YAF2: variants seen among roughly 807,000 people sequenced by gnomAD.
The protein encoded by YAF2 is YY1 associated factor 2.
YAF2 carries 7 observed loss-of-function variants against 20.1 expected under a neutral mutation model. The observed-to-expected ratio is 0.35, with a 90% CI of 0.20 to 0.65. The LOEUF is 0.65. Among genes scored for constraint, YAF2 ranks in the 30% least tolerant of loss-of-function variants. The pLI is 0.69. For missense variants in YAF2, 151 were observed against 219.2 expected, an observed-to-expected ratio of 0.69 and a Z score of 1.96; for synonymous variants, 74 against 76.0, an observed-to-expected ratio of 0.97 and a Z score of 0.14.
chr12:42,165,786 T>G (rs1486933252), intron 2 of YAF2, among the ~76,000 whole-genome samples: 5 of 149,820 alleles, frequency 3.3e-5, no homozygotes, highest in Non-Finnish European at 5.9e-5. Context: ...TTTTTTTTTT[T>G]TTTTTTTTTT....
Position 42,160,676 on chromosome 12 carries a change from G to A in YAF2, c.456C>T (p.Gly152=). 1 of 1,613,832 alleles carries A rather than the reference G, an allele frequency of 6.2e-7. No homozygotes were observed. Among genetic ancestry groups the A allele is most frequent in the African/African-American group, 1.3e-5 (1 of 75,018 alleles). ...CTCTCTCTGTGTTATCAGAGCTAGAGCCGCTTTGACTGTGTTGATCTGCAG... is the reference window on the plus strand; with the variant it reads ...CTCTCTCTGTGTTATCAGAGCTAGAACCGCTTTGACTGTGTTGATCTGCAG... ...AASADQHSQS[G]SSSDNTERGM... The change falls in exon 4 of 4, where the codon GGC becomes GGT. Residue 152 remains glycine, a synonymous_variant. Transcript: ENST00000534854.
intron 2 of YAF2, among the ~76,000 whole-genome samples, chr12:42,174,684 T>C (rs1235989995): frequency 6.6e-6 from 1 of 152,206 alleles, no homozygotes; most frequent in African/African-American, 2.4e-5. Flanking sequence ...GCACTCCTCT[T>C]GTTGACCTCA....
rs771448043 is a variant in YAF2, at chr12:42,221,807, T to G, written c.152+15792A>C. On this transcript the variant is annotated intron_variant, in intron 2 of 3. Coordinates refer to ENST00000534854, the MANE Select transcript of YAF2 (RefSeq NM_005748.6). The stretch of plus-strand genomic sequence containing the variant: ...GCTGAAAATCCCAACAAGAAGGTTT[T>G]GAAAACAATAGTAGTCTCAGCCCAT... Among the ~76,000 whole-genome samples the G allele has an allele frequency of 5.9e-5, 9 of 152,332 alleles. No individual in the cohort carries two copies. In the South Asian group the frequency reaches 1.7e-3, roughly 28 times the overall value.
chr12:42,202,602 G>A (rs1364289477), intron 2 of YAF2, among the ~76,000 whole-genome samples: 1 of 152,068 alleles, frequency 6.6e-6, no homozygotes, highest in Non-Finnish European at 1.5e-5. Context: ...TTTGTTCTTT[G>A]TCATTGTATA....
In YAF2 at chr12:42,219,115, T is replaced by C. The variant is rs111628876; in HGVS notation, c.152+18484A>G. On this transcript the variant is annotated intron_variant, in intron 2 of 3. Transcript: ENST00000534854. ...AAATACAAATTAAGAGAAATCCTAA[T>C]AAAATATATAATGGCATAAATGACC... Among the ~76,000 whole-genome samples the C allele has an allele frequency of 6.2e-3, 948 of 152,240 alleles. 7 individuals are homozygous for C. Among genetic ancestry groups the C allele is most frequent in the African/African-American group, 0.021 (892 of 41,538 alleles).
intron 2 of YAF2, chr12:42,210,214 A>C: frequency 2.3e-6 from 1 of 429,748 alleles, no homozygotes; most frequent in South Asian, 2.2e-5. Flanking sequence ...TCCACACAAT[A>C]ATTTCCATAA....
intron 2 of YAF2, among the ~76,000 whole-genome samples, chr12:42,177,547 G>A (rs141830324): frequency 1.2e-4 from 18 of 152,194 alleles, no homozygotes; most frequent in African/African-American, 3.1e-4. Flanking sequence ...CCACTTTTAC[G>A]AGTTCATTTA....
intron 2 of YAF2, among the ~76,000 whole-genome samples, chr12:42,230,043 G>C (rs1190749664): frequency 1.3e-5 from 2 of 152,072 alleles, no homozygotes; most frequent in African/African-American, 2.4e-5. Context: ...CGGATCACGA[G>C]GTCAGGAGAT....
At chr12:42,218,832 T>TA (rs900623918) in intron 2 of YAF2, among the ~76,000 whole-genome samples, 23 of 151,586 alleles carry the variant, frequency 1.5e-4, no homozygotes, top group African/African-American at 4.6e-4. Flanking sequence ...TCTCGGTCCT[T>TA]AAAAAAAACA....
In YAF2 at chr12:42,227,747, T is replaced by TG. The variant is rs1181592026; in HGVS notation, c.152+9851dup. On this transcript the variant is annotated intron_variant, in intron 2 of 3. Transcript: ENST00000534854. ...GCAGCCACCCCGTCCGGGAGGGAGG[T>TG]GGGGGGGTCAGCCCCCCGCCTGGCC... Among the ~76,000 whole-genome samples the TG allele has an allele frequency of 3.5e-3, 467 of 134,880 alleles. 9 individuals are homozygous for TG. Among genetic ancestry groups the TG allele is most frequent in the African/African-American group, 0.012 (430 of 35,310 alleles). 88.5% of individuals were successfully genotyped at this position (134,880 alleles called of 152,430 possible). A position where few individuals can be genotyped will look rare whatever the true frequency, so the allele number is the denominator to read the frequency against.
intron 2 of YAF2, among the ~76,000 whole-genome samples, chr12:42,193,480 C>T (rs1472274922): frequency 6.6e-6 from 1 of 152,076 alleles, no homozygotes; most frequent in Non-Finnish European, 1.5e-5. Context: ...GGCAGGCCCT[C>T]AGGAGGTATT....
intron 2 of YAF2, among the ~76,000 whole-genome samples, chr12:42,218,617 TG>T (rs1208192527): frequency 1.3e-5 from 2 of 152,184 alleles, no homozygotes; most frequent in African/African-American, 4.8e-5. Flanking sequence ...TTAAGGATGT[TG>T]ATTTTTCAGG....
chr12:42,177,279 C>T (rs556824273), intron 2 of YAF2, among the ~76,000 whole-genome samples: 2 of 152,284 alleles, frequency 1.3e-5, no homozygotes, highest in East Asian at 3.9e-4. Context: ...GCTGTCATAA[C>T]AAAATACCAT....
At chr12:42,205,704 T>C (rs1259075612) in intron 2 of YAF2, among the ~76,000 whole-genome samples, 3 of 152,200 alleles carry the variant, frequency 2.0e-5, no homozygotes, top group Admixed American at 6.5e-5. Context: ...CACCAAATTC[T>C]GTTTTCATTT....
intron 2 of YAF2, among the ~76,000 whole-genome samples, chr12:42,207,673 A>G (rs2067084827): frequency 6.6e-6 from 1 of 152,156 alleles, no homozygotes; most frequent in Non-Finnish European, 1.5e-5. Context: ...CGGGCAGATC[A>G]CAAGGTCAGG....
chr12:42,211,815 G>A (rs933316020), intron 2 of YAF2, among the ~76,000 whole-genome samples: 13 of 151,104 alleles, frequency 8.6e-5, no homozygotes, highest in African/African-American at 1.9e-4. Flanking sequence ...TTGGGAGGCC[G>A]AGGTGGGCGG....
chr12:42,171,136 G>A (rs1242670789), intron 2 of YAF2, among the ~76,000 whole-genome samples: 1 of 152,108 alleles, frequency 6.6e-6, no homozygotes. Context: ...GGGATTGCAC[G>A]TATGTGCCAC....
At chr12:42,237,752 G>A (rs1484366675) in intron 1 of YAF2, 28 bp from the exon 2 acceptor site, 5 of 1,487,964 alleles carry the variant, frequency 3.4e-6, no homozygotes, top group Middle Eastern at 1.8e-4. Context: ...GACACGACGC[G>A]GCGCGGGGTC....
intron 2 of YAF2, among the ~76,000 whole-genome samples, chr12:42,164,128 G>C (rs2065859544): frequency 6.6e-6 from 1 of 152,200 alleles, no homozygotes; most frequent in Admixed American, 6.5e-5. Context: ...AATGACTACT[G>C]TCTAGCCACT....
Sources: allele counts gnomAD v4.1 joint callset (sites outside exome capture counted in the v4.1 genomes callset), GRCh38; gene constraint gnomAD v4.1.1; transcripts MANE v1.5; gene names NCBI Gene and HGNC (gene_info 2026-07-23, HGNC 2026-07-21).